The following ANKRD36 variants were observed in gnomAD, a reference collection of about 807,000 sequenced individuals.
ANKRD36 encodes ankyrin repeat domain-containing protein 36A.
Under a neutral mutation model 278.1 loss-of-function variants are expected in ANKRD36, and 179 were observed. The ratio of observed to expected loss-of-function variants is 0.64; its 90% CI spans 0.57 to 0.73. The LOEUF is 0.73. Among genes scored for constraint, ANKRD36 ranks in the 30% least tolerant of loss-of-function variants. ANKRD36 has a pLI of 0.00. For missense variants in ANKRD36, 1,159 were observed against 1,956.7 expected (o/e 0.59, Z 7.69); for synonymous variants, 320 against 641.1 (o/e 0.50, Z 7.57).
At chr2:97,188,211 A>G (rs2153559828) in intron 32 of ANKRD36, among the ~76,000 whole-genome samples, 1 of 151,954 alleles carries the variant, frequency 6.6e-6, no homozygotes, top group East Asian at 2.0e-4. Flanking sequence ...ACTTCTTTAG[A>G]GACTAACATG....
intron 66 of ANKRD36, among the ~76,000 whole-genome samples, chr2:97,222,759 T>C (rs2068118589): frequency 6.6e-6 from 1 of 152,096 alleles, no homozygotes; most frequent in South Asian, 2.1e-4. Flanking sequence ...TCCTCTTCAT[T>C]TGTGGTGGGA....
Position 97,113,379 on chromosome 2 carries a change from C to T in ANKRD36, c.-361C>T, listed in dbSNP as rs1195408710. 3.3e-6 allele frequency: 1 copy of T among 307,248 alleles called. No homozygotes were observed. Among genetic ancestry groups the T allele is most frequent in the South Asian group, 3.4e-5 (1 of 29,296 alleles). The allele number at this position is 307,248 out of a possible 1,614,324, so 19.0% of individuals were successfully genotyped here. Reference sequence around the variant, plus strand: ...GCGGGGGACTCCGAGCGTCGGGAGCCTGTGGAAGAGAAGAGCGCGCGGGCG... The same window carrying T: ...GCGGGGGACTCCGAGCGTCGGGAGCTTGTGGAAGAGAAGAGCGCGCGGGCG... On this transcript the variant is annotated 5_prime_UTR_variant, in exon 1 of 76. Coordinates refer to ENST00000420699, the MANE Select transcript of ANKRD36 (RefSeq NM_001354587.1).
chr2:97,200,356 C>T lies in ANKRD36; in HGVS notation c.2778C>T (p.Ser926=), dbSNP rs761855723. The change falls in exon 45 of 76, where the codon TCC becomes TCT. Residue 926 remains serine (S), a synonymous_variant. Transcript: ENST00000420699. ...CAGTGTCTTCTCGGAAAAAACCATC[C>T]TTGGAGGTAATGAAACTCTCATTCA... The part of the protein sequence containing the change: ...TKRVSSRKKP[S]LEATSDEKDS... 3.1e-6 allele frequency: 5 copies of T among 1,606,304 alleles called. No homozygotes were observed. Among genetic ancestry groups the T allele is most frequent in the East Asian group, 2.2e-5 (1 of 44,712 alleles).
Position 97,159,018 on chromosome 2 carries a change from G to A in ANKRD36, c.1389+363G>A, listed in dbSNP as rs113725480. On this transcript the variant is annotated intron_variant, in intron 17 of 75. Transcript: ENST00000420699. ...AACAGCTCCACAAATACAAAGGTGA[G>A]GAGGGGAAAGAAGTAAGAATACAGA... 6.9e-4 allele frequency among the ~76,000 whole-genome samples: 92 copies of A among 132,974 alleles called. No individual in the cohort carries two copies. The East Asian group carries it at 7.5e-3, about 11-fold the overall frequency. 87.2% of individuals were successfully genotyped at this position (132,974 alleles called of 152,430 possible).
rs1484506514 is a variant in ANKRD36 at position 97,230,491 on chromosome 2, G to T, written c.3952-3239G>T. Among the ~76,000 whole-genome samples, 13 of 152,072 alleles carry T rather than the reference G, an allele frequency of 8.5e-5. 1 individual carries two copies. Among genetic ancestry groups the T allele is most frequent in the African/African-American group, 3.1e-4 (13 of 41,444 alleles). On this transcript the variant is annotated intron_variant, in intron 67 of 75. Coordinates refer to ENST00000420699, the MANE Select transcript of ANKRD36 (RefSeq NM_001354587.1). ...CGAGCCTCGGCTTTCAGCTTCATCAGCTCCTTTAAGCACTTCTCTGTATTG... is the reference window on the plus strand; with the variant it reads ...CGAGCCTCGGCTTTCAGCTTCATCATCTCCTTTAAGCACTTCTCTGTATTG...
At position 97,196,209 on chromosome 2, in the gene ANKRD36, T is replaced by C. The variant is rs189704071; in HGVS notation, c.2552-384T>C. Among the ~76,000 whole-genome samples, 4 of 152,116 alleles carry C rather than the reference T, an allele frequency of 2.6e-5. No individual in the cohort carries two copies. In the East Asian group the frequency reaches 7.8e-4, roughly 30 times the overall value. On this transcript the variant is annotated intron_variant, in intron 40 of 75. Coordinates refer to ENST00000420699, the MANE Select transcript of ANKRD36 (RefSeq NM_001354587.1). Reference sequence around the variant, plus strand: ...AGTATAAAGGTGTAAATCCTTTTGATTTGTTGCGTGAAAGACATGTGAGAT... The same window carrying C: ...AGTATAAAGGTGTAAATCCTTTTGACTTGTTGCGTGAAAGACATGTGAGAT...
At chr2:97,130,260 G>T (rs1290355964) in intron 6 of ANKRD36, among the ~76,000 whole-genome samples, 2 of 151,958 alleles carry the variant, frequency 1.3e-5, no homozygotes, top group African/African-American at 4.8e-5. Context: ...GGGATACTAT[G>T]CAGCCATAAG....
intron 30 of ANKRD36, among the ~76,000 whole-genome samples, chr2:97,186,082 A>G (rs1336031264): frequency 6.6e-6 from 1 of 151,818 alleles, no homozygotes; most frequent in Non-Finnish European, 1.5e-5. Flanking sequence ...TTTACACAAA[A>G]AAGATTTGAT....
intron 40 of ANKRD36, among the ~76,000 whole-genome samples, chr2:97,195,222 G>T (rs1408390572): frequency 3.3e-5 from 5 of 152,100 alleles, no homozygotes; most frequent in African/African-American, 9.6e-5. Context: ...TTCATTAAGG[G>T]TGTACGGAGA....
rs745977708 is a variant in ANKRD36, at chr2:97,113,748, C to A, written c.9C>A (p.Asp3Glu). 2 of 1,610,642 alleles carry A rather than the reference C, an allele frequency of 1.2e-6. No homozygotes were observed. Among genetic ancestry groups the A allele is most frequent in the Admixed American group, 1.7e-5 (1 of 59,766 alleles). The change falls in exon 1 of 76, where the codon GAC (aspartate) becomes GAA (glutamate). Residue 3 changes from aspartate to glutamate, a missense_variant. By Grantham distance (45) the Asp-to-Glu change is conservative. Transcript: ENST00000420699. ME[D>E]GKRERWPTLM... The stretch of plus-strand genomic sequence containing the variant: ...ATTTGCAGCCGACGATTATGGAAGA[C>A]GGCAAGCGGGAGAGGTGGCCCACCC...
intron 20 of ANKRD36, among the ~76,000 whole-genome samples, 185 bp downstream of exon 20, chr2:97,164,654 C>A (rs1017879615): frequency 6.6e-6 from 1 of 152,310 alleles, no homozygotes; most frequent in African/African-American, 2.4e-5. Flanking sequence ...ACATTTTACA[C>A]GGTGAGCTCT....
intron 34 of ANKRD36, among the ~76,000 whole-genome samples, chr2:97,190,670 G>C (rs2153564508): frequency 6.6e-6 from 1 of 151,584 alleles, no homozygotes; most frequent in Admixed American, 6.6e-5. Flanking sequence ...TTGCTCCTCT[G>C]ATTTTAGATC....
chr2:97,131,672 G>C (rs1351492048), intron 6 of ANKRD36, among the ~76,000 whole-genome samples: 6 of 151,810 alleles, frequency 4.0e-5, no homozygotes, highest in African/African-American at 1.5e-4. Flanking sequence ...AGTTTTAATA[G>C]ATATTTTTAG....
At chr2:97,135,682 A>G (rs2041308073) in intron 6 of ANKRD36, among the ~76,000 whole-genome samples, 1 of 151,628 alleles carries the variant, frequency 6.6e-6, no homozygotes, top group Non-Finnish European at 1.5e-5. Flanking sequence ...GGTACAGATT[A>G]TGTCAATGAC....
chr2:97,121,850 C>T lies in ANKRD36; in HGVS notation c.487-1037C>T, dbSNP rs370651137. The stretch of plus-strand genomic sequence containing the variant: ...TTTAAAGGAGTTATGTACCAGGGTC[C>T]TAAGATTATAATTACATAAATATTT... On this transcript the variant is annotated intron_variant, in intron 3 of 75. Transcript: ENST00000420699. Among the ~76,000 whole-genome samples, 3 of 150,522 alleles carry T rather than the reference C, an allele frequency of 2.0e-5. No individual in the cohort carries two copies. In the East Asian group the frequency reaches 5.8e-4, roughly 29 times the overall value.
In ANKRD36 at chr2:97,154,742, G is replaced by A. The variant is rs1366678905; in HGVS notation, c.1260+1G>A. The A allele has an allele frequency of 1.7e-5, 25 of 1,483,048 alleles. 4 individuals are homozygous for A. The highest frequency in any genetic ancestry group is 2.3e-5 in the Non-Finnish European group (25 of 1,103,058). The allele number at this position is 1,483,048 out of a possible 1,614,324, so 91.9% of individuals were successfully genotyped here. A position where few individuals can be genotyped will look rare whatever the true frequency, so the allele number is the denominator to read the frequency against. On this transcript the variant is annotated splice_donor_variant, in intron 15 of 75. Coordinates refer to ENST00000420699, the MANE Select transcript of ANKRD36 (RefSeq NM_001354587.1). LOFTEE classifies it high-confidence loss of function. ...GGATAAGTTTGCTTTGGAATCTGAG[G>A]TAGAGTACTCTCTTGTGAAATTAAT...
intron 15 of ANKRD36, among the ~76,000 whole-genome samples, chr2:97,156,804 C>A (rs1254233076): frequency 6.8e-6 from 1 of 147,228 alleles, no homozygotes; most frequent in Admixed American, 6.9e-5. Flanking sequence ...ACACTGACTT[C>A]CACAATGGTT....
chr2:97,181,766 A>C lies in ANKRD36; in HGVS notation c.1810A>C (p.Ile604Leu), dbSNP rs1425375854. 6.2e-7 allele frequency: 1 copy of C among 1,609,634 alleles called. No homozygotes were observed. Among genetic ancestry groups the C allele is most frequent in the Admixed American group, 1.7e-5 (1 of 59,630 alleles). The change falls in exon 26 of 76, where the codon ATA (isoleucine) becomes CTA (leucine). Residue 604 changes from isoleucine to leucine, a missense_variant. By Grantham distance (5) the Ile-to-Leu change is conservative. Coordinates refer to ENST00000420699, the MANE Select transcript of ANKRD36 (RefSeq NM_001354587.1). ...TTCTGTTTCAAATATAGCCACAGAA[A>C]TAAAGAAGGGACAACAATCTGGGAC... ...KDSVSNIATE[I>L]KKGQQSGTVS...
chr2:97,123,897 A>G (rs1469500278), intron 4 of ANKRD36, among the ~76,000 whole-genome samples: 3 of 145,830 alleles, frequency 2.1e-5, no homozygotes, highest in Admixed American at 7.0e-5. Flanking sequence ...CTAATTTTAT[A>G]TATATGTGAT....
Sources: allele counts gnomAD v4.1 joint callset (sites outside exome capture counted in the v4.1 genomes callset), GRCh38; gene constraint gnomAD v4.1.1; transcripts MANE v1.5; gene names NCBI Gene and HGNC (gene_info 2026-07-23, HGNC 2026-07-21).